The following CAMTA1 variants were observed in gnomAD, a reference collection of about 807,000 sequenced individuals.
CAMTA1 encodes calmodulin-binding transcription activator 1.
Under a neutral mutation model 170.9 loss-of-function variants are expected in CAMTA1, and 27 were observed. The ratio of observed to expected loss-of-function variants is 0.16; its 90% CI spans 0.12 to 0.22. The LOEUF is 0.22. CAMTA1 is among the 10% of genes least tolerant of loss of function. The probability of loss-of-function intolerance (pLI) is 1.00; values close to 1 mark genes in which losing one functional copy is unlikely to be tolerated. For synonymous variants in CAMTA1, 833 were observed against 891.5 expected, an observed-to-expected ratio of 0.93 and a Z score of 1.17; for missense variants, 1,619 against 2,217.2, an observed-to-expected ratio of 0.73 and a Z score of 5.42.
intron 3 of CAMTA1, among the ~76,000 whole-genome samples, chr1:6,852,358 G>A (rs1014378765): frequency 4.6e-5 from 7 of 151,928 alleles, no homozygotes; most frequent in Non-Finnish European, 7.4e-5. Flanking sequence ...TGTGGACTCC[G>A]GGTATTCTGC....
intron 6 of CAMTA1, among the ~76,000 whole-genome samples, chr1:7,624,052 T>C (rs1015344470): frequency 6.6e-6 from 1 of 152,240 alleles, no homozygotes; most frequent in African/African-American, 2.4e-5. Flanking sequence ...ACAAATGCTT[T>C]CTTTGCAAAC....
intron 3 of CAMTA1, among the ~76,000 whole-genome samples, chr1:7,004,392 GT>G (rs1698676824): frequency 6.6e-6 from 1 of 152,198 alleles, no homozygotes; most frequent in Non-Finnish European, 1.5e-5. Flanking sequence ...GCTGCTCTGG[GT>G]TGGCTTCTGG....
intron 6 of CAMTA1, among the ~76,000 whole-genome samples, chr1:7,497,514 C>T (rs1254348337): frequency 1.3e-5 from 2 of 152,214 alleles, no homozygotes; most frequent in Non-Finnish European, 2.9e-5. Flanking sequence ...TTTTGGTGCA[C>T]GGTGCCACAA....
intron 3 of CAMTA1, among the ~76,000 whole-genome samples, chr1:6,931,408 C>T (rs189565694): frequency 6.6e-6 from 1 of 152,174 alleles, no homozygotes; most frequent in African/African-American, 2.4e-5. Flanking sequence ...CTACAGGTAG[C>T]GTAGTAATAA....
In CAMTA1 at chr1:7,067,907, AT is replaced by A. The variant is rs1709166676; in HGVS notation, c.235-23394del. Among the ~76,000 whole-genome samples, 1 of 152,114 alleles carries A rather than the reference AT, an allele frequency of 6.6e-6. No individual in the cohort carries two copies. The highest frequency in any genetic ancestry group is 1.9e-4 in the East Asian group (1 of 5,186). ...GAGATGGCTAGGCACTTCTAGGACA[AT>A]TTCCTGGCTCTTAAAAAAGGGTGTA... is the stretch of plus-strand genomic sequence containing the variant. On this transcript the variant is annotated intron_variant, in intron 3 of 22. Transcript: ENST00000303635. This position sits in a 1 kb window ranked among gnomAD's most constrained non-coding sequence, Gnocchi z 4.3.
In CAMTA1 at chr1:7,489,244, G is replaced by T. The variant is rs190886413; in HGVS notation, c.510+21343G>T. ...CATTTGTTTCTGTCCCCCGTTTCCA[G>T]ATGCTGAAAAAGATTCAACAACCTA... On this transcript the variant is annotated intron_variant, in intron 6 of 22. Coordinates refer to ENST00000303635, the MANE Select transcript of CAMTA1 (RefSeq NM_015215.4). 4.0e-3 allele frequency among the ~76,000 whole-genome samples: 612 copies of T among 152,344 alleles called. 4 individuals are homozygous for T. The highest frequency in any genetic ancestry group is 0.014 in the Middle Eastern group (4 of 294).
rs533794496 is a variant in CAMTA1, at chr1:7,064,683, G to A, written c.235-26621G>A. 8.2e-4 allele frequency among the ~76,000 whole-genome samples: 124 copies of A among 152,052 alleles called. 1 individual carries two copies. The highest frequency in any genetic ancestry group is 2.6e-3 in the African/African-American group (108 of 41,470). ...GATGGGAAAGACTGAAGCATGTCCC[G>A]GGACTGAAGGAAGTGGGGGCTGGAG... On this transcript the variant is annotated intron_variant, in intron 3 of 22. Transcript: ENST00000303635. This position sits in a 1 kb window ranked among gnomAD's most constrained non-coding sequence, Gnocchi z 5.4.
At chr1:7,241,670 C>G (rs891670383) in intron 4 of CAMTA1, among the ~76,000 whole-genome samples, 1 of 152,088 alleles carries the variant, frequency 6.6e-6, no homozygotes, top group African/African-American at 2.4e-5. Context: ...AACAAAGGTG[C>G]AAAAGCAATT....
At chr1:7,759,349 A>C (rs1286811160) in intron 22 of CAMTA1, among the ~76,000 whole-genome samples, 1 of 152,178 alleles carries the variant, frequency 6.6e-6, no homozygotes, top group African/African-American at 2.4e-5. Flanking sequence ...GTGTCTTGAA[A>C]TGTTTAGTCT....
chr1:7,398,177 CTCTCTCTCTCTCTCTCT>C (rs1180551250), intron 5 of CAMTA1, among the ~76,000 whole-genome samples: 3 of 42,150 alleles, frequency 7.1e-5, no homozygotes, highest in African/African-American at 2.8e-4. Context: ...CTCTCTCTCT[CTCTCTCTCTCTCTCTCT>C]ATATATATAT....
At chr1:7,450,534 A>G (rs1209668142) in intron 5 of CAMTA1, among the ~76,000 whole-genome samples, 3 of 152,224 alleles carry the variant, frequency 2.0e-5, no homozygotes, top group Non-Finnish European at 4.4e-5. Context: ...AAGTAGAGAC[A>G]GGTGGGATTG....
intron 5 of CAMTA1, among the ~76,000 whole-genome samples, chr1:7,460,827 T>C (rs1199404058): frequency 6.6e-6 from 1 of 152,146 alleles, no homozygotes; most frequent in African/African-American, 2.4e-5. Flanking sequence ...AAATCTATGT[T>C]CTCTCTGATT....
chr1:7,170,464 T>A (rs1434545402), intron 4 of CAMTA1, among the ~76,000 whole-genome samples: 3 of 152,136 alleles, frequency 2.0e-5, no homozygotes, highest in South Asian at 2.1e-4. Context: ...CTCCCTCCCC[T>A]TGCCCTCCAA....
chr1:7,293,511 T>C lies in CAMTA1; in HGVS notation c.438+43885T>C, dbSNP rs75207081. On this transcript the variant is annotated intron_variant, in intron 5 of 22. Coordinates refer to ENST00000303635, the MANE Select transcript of CAMTA1 (RefSeq NM_015215.4). The surrounding 1 kb of genome is among the most constrained non-coding windows in gnomAD (Gnocchi z 4.1). ...GATGGCTCCATGATCCATGTGCATG[T>C]GTTCCCGGTTTTGTTTGTCATTTGC... Among the ~76,000 whole-genome samples, 1,806 of 152,340 alleles carry C rather than the reference T, an allele frequency of 0.012. 25 individuals are homozygous for C. Among genetic ancestry groups the C allele is most frequent in the African/African-American group, 0.029 (1,200 of 41,588 alleles).
chr1:7,476,840 C>T (rs57609851), intron 6 of CAMTA1, among the ~76,000 whole-genome samples: 6 of 152,168 alleles, frequency 3.9e-5, no homozygotes, highest in Admixed American at 3.9e-4. Context: ...CAACAGTCAT[C>T]GAAGGCTGCG....
At chr1:7,349,930 C>T (rs559535422) in intron 5 of CAMTA1, among the ~76,000 whole-genome samples, 48 of 152,246 alleles carry the variant, frequency 3.2e-4, no homozygotes, top group Middle Eastern at 6.8e-3. Context: ...GTATAAGCCC[C>T]GGTGAGAACA....
chr1:7,125,437 A>G lies in CAMTA1; in HGVS notation c.302+34066A>G, dbSNP rs74575543. Among the ~76,000 whole-genome samples the G allele has an allele frequency of 6.2e-3, 942 of 152,296 alleles. 10 individuals carry two copies. The highest frequency in any genetic ancestry group is 0.021 in the African/African-American group (870 of 41,562). On this transcript the variant is annotated intron_variant, in intron 4 of 22. Coordinates refer to ENST00000303635, the MANE Select transcript of CAMTA1 (RefSeq NM_015215.4). ...AATGTGAAAGTTCGGAGTGATTGCA[A>G]TAGAGCCAAACAGACCGTGTGTTCA...
chr1:7,746,525 G>A (rs908205082), intron 18 of CAMTA1, among the ~76,000 whole-genome samples: 6 of 152,202 alleles, frequency 3.9e-5, no homozygotes, highest in African/African-American at 4.8e-5. Context: ...TTTCAGAAGC[G>A]TAGTCTTCTC....
intron 11 of CAMTA1, among the ~76,000 whole-genome samples, chr1:7,699,201 T>C (rs1267584192): frequency 1.3e-5 from 2 of 152,178 alleles, no homozygotes; most frequent in African/African-American, 4.8e-5. Flanking sequence ...TGTGCAGTCA[T>C]CACCACAAAC....
Sources: gnomAD v4.1 joint callset for allele counts (sites outside exome capture counted in the v4.1 genomes callset) on GRCh38, gnomAD v4.1.1 for gene constraint, Gnocchi (gnomAD v3.1) non-coding constraint, MANE v1.5 for transcripts, NCBI Gene and HGNC (gene_info 2026-07-23, HGNC 2026-07-21) for gene names.